NFIL3: variants seen among roughly 807,000 people sequenced by gnomAD.
NFIL3 encodes nuclear factor, interleukin 3 regulated.
In NFIL3, 5 loss-of-function variants were observed where a neutral mutation model predicts 10.0. The observed-to-expected ratio is 0.50, with a 90% CI of 0.26 to 1.06. The LOEUF (loss-of-function observed/expected upper bound fraction) is 1.06. Ranked by LOEUF, NFIL3 falls within the 50% of genes least tolerant of loss-of-function variation. The pLI, the probability that NFIL3 is intolerant of heterozygous loss-of-function variation, is 0.13. For synonymous variants in NFIL3, 202 were observed against 206.5 expected, an observed-to-expected ratio of 0.98 and a Z score of 0.19; for missense variants, 436 against 547.6, an observed-to-expected ratio of 0.80 and a Z score of 2.03.
the NFIL3 span, among the ~76,000 whole-genome samples, chr9:91,460,220 A>T: frequency 6.6e-6 from 1 of 150,870 alleles, no homozygotes; most frequent in Non-Finnish European, 1.5e-5. Flanking sequence ...CAGGGAAAAA[A>T]GAAGAAAGAA....
the NFIL3 span, among the ~76,000 whole-genome samples, chr9:91,454,069 C>T: frequency 6.6e-6 from 1 of 150,800 alleles, no homozygotes; most frequent in Admixed American, 6.6e-5. Context: ...ATCATCTCTA[C>T]TAAAAATACA....
intron 1 of NFIL3, among the ~76,000 whole-genome samples, chr9:91,418,708 A>G (rs1324887004): frequency 6.8e-6 from 1 of 147,696 alleles, no homozygotes; most frequent in African/African-American, 2.4e-5. Flanking sequence ...TAAAAGGCTT[A>G]TAAACATCAT....
At chr9:91,449,920 A>G in the NFIL3 span, among the ~76,000 whole-genome samples, 2 of 152,020 alleles carry the variant, frequency 1.3e-5, no homozygotes, top group African/African-American at 4.8e-5. Context: ...TTTATTTTTA[A>G]GTCAGTTTAG....
the NFIL3 span, among the ~76,000 whole-genome samples, chr9:91,458,290 G>A: frequency 1.4e-4 from 22 of 152,036 alleles, no homozygotes; most frequent in Admixed American, 4.6e-4. Context: ...TTGCTGGGAG[G>A]ATTTTAACTA....
the NFIL3 span, among the ~76,000 whole-genome samples, chr9:91,449,698 T>C: frequency 2.0e-5 from 3 of 152,134 alleles, no homozygotes; most frequent in African/African-American, 7.2e-5. Context: ...CTGACTTTGA[T>C]ATCAGGGTAA....
At chr9:91,441,109 T>C in the NFIL3 span, among the ~76,000 whole-genome samples, 1 of 152,166 alleles carries the variant, frequency 6.6e-6, no homozygotes, top group Non-Finnish European at 1.5e-5. Context: ...GGTATCAAAA[T>C]GGTCTACTAT....
In NFIL3 at chr9:91,409,844, G is replaced by A. The variant is rs766062803; in HGVS notation, c.891C>T (p.Gly297=). ...DGEDEQQVPK[G]PIHSPVELKH... ...TGAGTTCAACTGGAGAATGGATGGG[G>A]CCCTTGGGGACCTGTTGCTCGTCTT... The change falls in exon 2 of 2, where the codon GGC becomes GGT. Residue 297 remains glycine (G), a synonymous_variant. Coordinates refer to ENST00000297689, the MANE Select transcript of NFIL3 (RefSeq NM_005384.3). 1.2e-6 allele frequency: 2 copies of A among 1,614,052 alleles called. No individual in the cohort carries two copies. Among genetic ancestry groups the A allele is most frequent in the South Asian group, 2.2e-5 (2 of 91,070 alleles).
At chr9:91,474,013 G>A in the NFIL3 span, among the ~76,000 whole-genome samples, 1 of 151,848 alleles carries the variant, frequency 6.6e-6, no homozygotes, top group Non-Finnish European at 1.5e-5. Context: ...GGATAGCTTT[G>A]CCTTGTTTCT....
At chr9:91,465,378 G>T in the NFIL3 span, among the ~76,000 whole-genome samples, 1 of 152,040 alleles carries the variant, frequency 6.6e-6, no homozygotes, top group South Asian at 2.1e-4. Context: ...TGTGTATACT[G>T]GTGAGCCCTT....
chr9:91,446,988 G>A, the NFIL3 span, among the ~76,000 whole-genome samples: 2 of 152,026 alleles, frequency 1.3e-5, no homozygotes, highest in Non-Finnish European at 2.9e-5. Context: ...GCTAATTTTT[G>A]TAGTTTTAGT....
chr9:91,424,268 C>T (rs1394332878), upstream of NFIL3, among the ~76,000 whole-genome samples: 2 of 152,174 alleles, frequency 1.3e-5, no homozygotes, highest in Non-Finnish European at 2.9e-5. Flanking sequence ...CACTTGCTCG[C>T]AGAGGCGCTT....
In NFIL3 at chr9:91,409,685, T is replaced by C. The variant is rs1833502871; in HGVS notation, c.1050A>G (p.Lys350=). 1 of 1,614,194 alleles carries C rather than the reference T, an allele frequency of 6.2e-7. No individual in the cohort carries two copies. Among genetic ancestry groups the C allele is most frequent in the Non-Finnish European group, 8.5e-7 (1 of 1,180,038 alleles). Residue 350 remains lysine, a synonymous_variant, in exon 2 of 2, where the codon AAA becomes AAG. Transcript: ENST00000297689. ...ATGTCATGTCAATAGGTGAGGAAAG[T>C]TTTTGCGTGGCCTCAAATTCATTAT... ...AFDNEFEATQ[K]LSSPIDMTSK...
chr9:91,460,107 C>T, the NFIL3 span, among the ~76,000 whole-genome samples: 1 of 151,828 alleles, frequency 6.6e-6, no homozygotes, highest in African/African-American at 2.4e-5. Context: ...CCACCCCCAC[C>T]ATCCACTGCT....
the NFIL3 span, among the ~76,000 whole-genome samples, chr9:91,468,355 A>T: frequency 6.6e-6 from 1 of 152,282 alleles, no homozygotes; most frequent in Admixed American, 6.5e-5. Flanking sequence ...ATGTCTGTTC[A>T]CATCCTTCGC....
At chr9:91,421,676 G>A (rs1833772620) in intron 1 of NFIL3, among the ~76,000 whole-genome samples, 1 of 152,142 alleles carries the variant, frequency 6.6e-6, no homozygotes, top group South Asian at 2.1e-4. Flanking sequence ...GGCCCCTACA[G>A]GCCTGGGACT....
chr9:91,423,986 C>G (rs1416390451), upstream of NFIL3: 3 of 146,382 alleles, frequency 2.0e-5, no homozygotes. Flanking sequence ...CTCCGCGGCC[C>G]CGCCCCGCCT....
At chr9:91,423,296 G>A (rs1182685536) in intron 1 of NFIL3, among the ~76,000 whole-genome samples, 3 of 152,148 alleles carry the variant, frequency 2.0e-5, no homozygotes, top group Admixed American at 2.0e-4. Flanking sequence ...CTCGGAGAGG[G>A]CTCAGCCTGC....
At chr9:91,412,123 A>C (rs76615436) in intron 1 of NFIL3, among the ~76,000 whole-genome samples, 1 of 105,870 alleles carries the variant, frequency 9.4e-6, no homozygotes, top group Non-Finnish European at 1.9e-5. Context: ...AAAAAAAAAA[A>C]CCCCACACAA....
chr9:91,482,152 C>G, the NFIL3 span, among the ~76,000 whole-genome samples: 1 of 152,168 alleles, frequency 6.6e-6, no homozygotes, highest in Non-Finnish European at 1.5e-5. Flanking sequence ...AATCTCATTT[C>G]TCAGAATCTA....
Sources: allele counts gnomAD v4.1 joint callset (sites outside exome capture counted in the v4.1 genomes callset), GRCh38; gene constraint gnomAD v4.1.1; transcripts MANE v1.5; gene names NCBI Gene and HGNC (gene_info 2026-07-23, HGNC 2026-07-21).